Variants in EMILIN2 observed in about 807,000 individuals in gnomAD.
The protein encoded by EMILIN2 is elastin microfibril interfacer 2.
EMILIN2 carries 71 observed loss-of-function variants against 87.1 expected under a neutral mutation model. The observed-to-expected ratio is 0.82, with a 90% CI of 0.67 to 0.99. The LOEUF (loss-of-function observed/expected upper bound fraction) is 0.99, where lower values mean the gene tolerates loss of function less well. EMILIN2 is among the 50% of genes least tolerant of loss of function. The pLI is 0.00. For missense variants in EMILIN2, 1,407 were observed against 1,371.8 expected, an observed-to-expected ratio of 1.03 and a Z score of -0.40; for synonymous variants, 581 against 563.4, an observed-to-expected ratio of 1.03 and a Z score of -0.44.
Position 2,913,628 on chromosome 18 carries a change from A to G in EMILIN2, c.*224A>G. ...TGGCCACTGACTTTTCTGCCACTCT[A>G]ACTGGACAACTGGAAGACTTGGAAA... On this transcript the variant is annotated 3_prime_UTR_variant, in exon 8 of 8. Coordinates refer to ENST00000254528, the MANE Select transcript of EMILIN2 (RefSeq NM_032048.3). The G allele has an allele frequency of 4.0e-6, 2 of 498,176 alleles. No homozygotes were observed. The highest frequency in any genetic ancestry group is 7.1e-6 in the Non-Finnish European group (2 of 281,852). The allele number at this position is 498,176 out of a possible 1,614,324, so 30.9% of individuals were successfully genotyped here.
At position 2,847,660 on chromosome 18, in the gene EMILIN2, G is replaced by A; in HGVS notation, c.135-149G>A. 7.7e-7 allele frequency: 1 copy of A among 1,304,644 alleles called. No individual in the cohort carries two copies. Among genetic ancestry groups the A allele is most frequent in the Non-Finnish European group, 1.0e-6 (1 of 987,122 alleles). The allele number at this position is 1,304,644 out of a possible 1,614,324, so 80.8% of individuals were successfully genotyped here. Reference sequence around the variant, plus strand: ...CCAGAGGCGCACCCGGGCACCCTCCGGCGTCTGCTCGGTGAAGCTCCCGCC... The same window carrying A: ...CCAGAGGCGCACCCGGGCACCCTCCAGCGTCTGCTCGGTGAAGCTCCCGCC... On this transcript the variant is annotated intron_variant, in intron 1 of 7. Transcript: ENST00000254528. The surrounding 1 kb of genome is among the most constrained non-coding windows in gnomAD (Gnocchi z 4.5).
chr18:2,868,490 C>G (rs1396943229), intron 2 of EMILIN2, among the ~76,000 whole-genome samples: 2 of 152,276 alleles, frequency 1.3e-5, no homozygotes, highest in Non-Finnish European at 2.9e-5. Flanking sequence ...CACCACTGCA[C>G]TCCAGCCTGG....
At position 2,847,885 on chromosome 18, in the gene EMILIN2, C is replaced by G; in HGVS notation, c.211C>G (p.Gln71Glu). 1 of 1,613,454 alleles carries G rather than the reference C, an allele frequency of 6.2e-7. No individual in the cohort carries two copies. Among genetic ancestry groups the G allele is most frequent in the Non-Finnish European group, 8.5e-7 (1 of 1,179,798 alleles). ...GGGAAGTGAGAGTTTTATTCAGGCT[C>G]AGTACAACTGTGCCTGGAACCAGAT... ...LEGSESFIQA[Q>E]YNCAWNQMPC... is the part of the protein sequence containing the mutation. The change falls in exon 2 of 8, where the codon CAG becomes GAG. Residue 71 changes from glutamine to glutamate, a missense_variant. Transcript: ENST00000254528. This position sits in a 1 kb window ranked among gnomAD's most constrained non-coding sequence, Gnocchi z 4.5.
At chr18:2,904,411 T>C (rs2076900622) in intron 4 of EMILIN2, among the ~76,000 whole-genome samples, 1 of 152,220 alleles carries the variant, frequency 6.6e-6, no homozygotes, top group African/African-American at 2.4e-5. Flanking sequence ...TTCTGATTTC[T>C]TTTTTTCTGG....
chr18:2,847,703 G>GC lies in EMILIN2; in HGVS notation c.135-99dup, dbSNP rs1005166041. 48 of 1,465,080 alleles carry GC rather than the reference G, an allele frequency of 3.3e-5. No individual in the cohort carries two copies. Among genetic ancestry groups the GC allele is most frequent in the South Asian group, 1.4e-4 (10 of 73,260 alleles). 90.8% of individuals were successfully genotyped at this position (1,465,080 alleles called of 1,614,324 possible). A position where few individuals can be genotyped will look rare whatever the true frequency, so the allele number is the denominator to read the frequency against. ...CTCCCGCCTCCGCAGAGGGCGACGGGCCCCCCCGACCCTCGCTCGGTCTGG... is the reference window on the plus strand; with the variant it reads ...CTCCCGCCTCCGCAGAGGGCGACGGGCCCCCCCCGACCCTCGCTCGGTCTGG... On this transcript the variant is annotated intron_variant, in intron 1 of 7. Transcript: ENST00000254528. The surrounding 1 kb of genome is among the most constrained non-coding windows in gnomAD (Gnocchi z 4.5).
intron 2 of EMILIN2, among the ~76,000 whole-genome samples, chr18:2,884,439 T>G (rs992300199): frequency 6.6e-6 from 1 of 152,140 alleles, no homozygotes; most frequent in Non-Finnish European, 1.5e-5. Flanking sequence ...AGAGACTAGA[T>G]TTCACCATGT....
chr18:2,846,684 G>A (rs2143937417), upstream of EMILIN2: 1 of 912,806 alleles, frequency 1.1e-6, no homozygotes, highest in Non-Finnish European at 1.3e-6. The surrounding 1 kb of genome is among the most constrained non-coding windows in gnomAD (Gnocchi z 5.3). Flanking sequence ...ACGACGCGAG[G>A]ACGGCCAGAC....
intron 2 of EMILIN2, among the ~76,000 whole-genome samples, chr18:2,868,794 A>T (rs1171535228): frequency 1.3e-5 from 2 of 151,970 alleles, no homozygotes; most frequent in Non-Finnish European, 1.5e-5. Flanking sequence ...TGGAAAGAGG[A>T]GAGGGAGAGG....
rs149795792 is a variant in EMILIN2 at position 2,895,687 on chromosome 18, C to T, written c.2359+3201C>T. 3.6e-4 allele frequency among the ~76,000 whole-genome samples: 55 copies of T among 152,256 alleles called. No homozygotes were observed. The East Asian group carries it at 5.2e-3, about 14-fold the overall frequency. On this transcript the variant is annotated intron_variant, in intron 4 of 7. Transcript: ENST00000254528. The stretch of plus-strand genomic sequence containing the variant: ...CAACCTGGGCTTCCTCACAGCATGG[C>T]GGTGTCAAGTAGTCAGACTATGGCG...
chr18:2,870,501 C>A (rs2076714129), intron 2 of EMILIN2, among the ~76,000 whole-genome samples: 1 of 152,170 alleles, frequency 6.6e-6, no homozygotes, highest in Non-Finnish European at 1.5e-5. Context: ...TGGAAGTGCA[C>A]ATCTAGCAAG....
Position 2,852,227 on chromosome 18 carries a change from G to A in EMILIN2, c.257+4296G>A, listed in dbSNP as rs184111254. Reference sequence around the variant, plus strand: ...CTACTGTGGGTCATTTGCCTATGACGCATGAACTATGTCATTTTTCACACT... The same window carrying A: ...CTACTGTGGGTCATTTGCCTATGACACATGAACTATGTCATTTTTCACACT... On this transcript the variant is annotated intron_variant, in intron 2 of 7. Transcript: ENST00000254528. Among the ~76,000 whole-genome samples the A allele has an allele frequency of 4.5e-4, 68 of 152,274 alleles. No homozygotes were observed. In the East Asian group the frequency reaches 0.012, roughly 28 times the overall value.
At chr18:2,876,958 A>G (rs2076752288) in intron 2 of EMILIN2, among the ~76,000 whole-genome samples, 1 of 152,228 alleles carries the variant, frequency 6.6e-6, no homozygotes. Flanking sequence ...CTTTCATGTT[A>G]TTAATTTCTC....
intron 3 of EMILIN2, among the ~76,000 whole-genome samples, chr18:2,885,667 G>T (rs2076800172): frequency 6.6e-6 from 1 of 152,106 alleles, no homozygotes; most frequent in Non-Finnish European, 1.5e-5. Context: ...ACAGGCGCCT[G>T]CCACCATGCC....
chr18:2,858,575 G>A lies in EMILIN2; in HGVS notation c.257+10644G>A, dbSNP rs1278125139. Among the ~76,000 whole-genome samples, 129 of 65,394 alleles carry A rather than the reference G, an allele frequency of 2.0e-3. 2 individuals carry two copies. The highest frequency in any genetic ancestry group is 6.7e-3 in the Middle Eastern group (1 of 150). 42.9% of individuals were successfully genotyped at this position (65,394 alleles called of 152,430 possible). A position where few individuals can be genotyped will look rare whatever the true frequency, so the allele number is the denominator to read the frequency against. ...TATATATATATATATATATATGTGT[G>A]TGTGTGTGTATATATATATATATAT... On this transcript the variant is annotated intron_variant, in intron 2 of 7. Coordinates refer to ENST00000254528, the MANE Select transcript of EMILIN2 (RefSeq NM_032048.3).
chr18:2,867,766 G>A (rs538724256), intron 2 of EMILIN2, among the ~76,000 whole-genome samples: 250 of 152,302 alleles, frequency 1.6e-3, no homozygotes, highest in Middle Eastern at 0.014. Flanking sequence ...ACACAGACAC[G>A]GCAACCATCC....
chr18:2,881,086 G>A (rs769093769), intron 2 of EMILIN2, among the ~76,000 whole-genome samples: 3 of 152,108 alleles, frequency 2.0e-5, no homozygotes, highest in Non-Finnish European at 2.9e-5. Flanking sequence ...TTTCTGCTGG[G>A]AAAATCCCAG....
chr18:2,896,062 A>C (rs1013568764), intron 4 of EMILIN2, among the ~76,000 whole-genome samples: 1 of 152,216 alleles, frequency 6.6e-6, no homozygotes, highest in African/African-American at 2.4e-5. Flanking sequence ...ACAGGGGAGA[A>C]GAAGGGCCTT....
At position 2,847,212 on chromosome 18, in the gene EMILIN2, GC is replaced by G. The variant is rs1286584074; in HGVS notation, c.28del (p.Arg10AlafsTer43). MWQPRRPW[P>X]RVPWRWALAL... ...GGATGTGGCAGCCCAGACGGCCCTG[GC>G]CCCGCGTGCCCTGGCGCTGGGCGCT... On this transcript the variant is annotated frameshift_variant, in exon 1 of 8. Transcript: ENST00000254528. LOFTEE classifies it high-confidence loss of function. This position sits in a 1 kb window ranked among gnomAD's most constrained non-coding sequence, Gnocchi z 4.5. 8.1e-7 allele frequency: 1 copy of G among 1,236,764 alleles called. No individual in the cohort carries two copies. Among genetic ancestry groups the G allele is most frequent in the Non-Finnish European group, 1.0e-6 (1 of 990,094 alleles). The allele number at this position is 1,236,764 out of a possible 1,614,324, so 76.6% of individuals were successfully genotyped here.
chr18:2,858,023 A>G (rs529323869), intron 2 of EMILIN2, among the ~76,000 whole-genome samples: 47 of 152,280 alleles, frequency 3.1e-4, no homozygotes, highest in Middle Eastern at 3.4e-3. Flanking sequence ...CGGCCGGTGC[A>G]GGGGGAAAGC....
Sources: gnomAD v4.1 joint callset for allele counts (sites outside exome capture counted in the v4.1 genomes callset) on GRCh38, gnomAD v4.1.1 for gene constraint, Gnocchi (gnomAD v3.1) non-coding constraint, MANE v1.5 for transcripts, NCBI Gene and HGNC (gene_info 2026-07-23, HGNC 2026-07-21) for gene names.